CORIN: variants seen among roughly 807,000 people sequenced by gnomAD.
The protein encoded by CORIN is atrial natriuretic peptide-converting enzyme.
CORIN carries 117 observed loss-of-function variants against 125.3 expected under a neutral mutation model. That is an observed-to-expected ratio of 0.93 (90% CI 0.80 to 1.09). The LOEUF is 1.09. CORIN is among the 50% of genes least tolerant of loss of function. The probability of loss-of-function intolerance (pLI) is 0.00; values close to 1 mark genes in which losing one functional copy is unlikely to be tolerated. For synonymous variants in CORIN, 450 were observed against 466.4 expected (o/e 0.96, Z 0.45); for missense variants, 1,253 against 1,306.7 (o/e 0.96, Z 0.63).
intron 12 of CORIN, among the ~76,000 whole-genome samples, chr4:47,654,733 C>A (rs899654004): frequency 2.0e-5 from 3 of 152,150 alleles, no homozygotes. Flanking sequence ...ACTTGAAAGG[C>A]AGTCTAGCTC....
chr4:47,665,638 A>G (rs1724447132), intron 10 of CORIN, among the ~76,000 whole-genome samples: 1 of 152,206 alleles, frequency 6.6e-6, no homozygotes, highest in South Asian at 2.1e-4. Flanking sequence ...TAGCCCCATC[A>G]TCTTCACTGT....
At chr4:47,677,519 T>C (rs1184951235) in intron 9 of CORIN, among the ~76,000 whole-genome samples, 1 of 152,230 alleles carries the variant, frequency 6.6e-6, no homozygotes, top group Admixed American at 6.5e-5. Flanking sequence ...CCTTTTAAAG[T>C]GTATTGCTCG....
intron 5 of CORIN, among the ~76,000 whole-genome samples, chr4:47,701,542 T>A (rs1726292748): frequency 6.6e-6 from 1 of 152,150 alleles, no homozygotes; most frequent in South Asian, 2.1e-4. Flanking sequence ...AACAACAGAA[T>A]AGATCTGTAA....
intron 2 of CORIN, among the ~76,000 whole-genome samples, chr4:47,805,615 T>C (rs1731761164): frequency 6.6e-6 from 1 of 152,208 alleles, no homozygotes; most frequent in Admixed American, 6.5e-5. Context: ...ATCAGAGTTC[T>C]CCTTTCTTGG....
At position 47,763,457 on chromosome 4, in the gene CORIN, C is replaced by A. The variant is rs146275416; in HGVS notation, c.539G>T (p.Arg180Leu). Residue 180 changes from arginine (R) to leucine (L), a missense_variant, in exon 4 of 22, where the codon CGC (arginine) becomes CTC (leucine). Coordinates refer to ENST00000273857, the MANE Select transcript of CORIN (RefSeq NM_006587.4). Reference sequence around the variant, plus strand: ...CATGATATGTTGATAGCAACTGAGGCGATGGAGATATGTGAAAAACTTGAG... The same window carrying A: ...CATGATATGTTGATAGCAACTGAGGAGATGGAGATATGTGAAAAACTTGAG... ...KFLKFFTYLHRLSCYQHIMLF... is the reference protein window; with the variant it reads ...KFLKFFTYLHLLSCYQHIMLF... 1.2e-6 allele frequency: 2 copies of A among 1,613,906 alleles called. No individual in the cohort carries two copies. The highest frequency in any genetic ancestry group is 1.7e-6 in the Non-Finnish European group (2 of 1,179,996).
At position 47,772,117 on chromosome 4, in the gene CORIN, G is replaced by GA. The variant is rs1560542015; in HGVS notation, c.410-8532_410-8531insT. The stretch of plus-strand genomic sequence containing the variant: ...GATAGATAGATAGATAGATAGATAG[G>GA]TAGATAGATAATTGTCTCTATCTTA... On this transcript the variant is annotated intron_variant, in intron 3 of 21. Transcript: ENST00000273857. Among the ~76,000 whole-genome samples, 113 of 93,330 alleles carry GA rather than the reference G, an allele frequency of 1.2e-3. 1 individual carries two copies. Among genetic ancestry groups the GA allele is most frequent in the African/African-American group, 2.3e-3 (58 of 25,118 alleles). 61.2% of individuals were successfully genotyped at this position (93,330 alleles called of 152,430 possible).
At chr4:47,800,997 G>A (rs535198533) in intron 2 of CORIN, among the ~76,000 whole-genome samples, 1 of 152,210 alleles carries the variant, frequency 6.6e-6, no homozygotes, top group East Asian at 1.9e-4. Context: ...ACTGCCGCAT[G>A]CATGGCAGAC....
At chr4:47,791,426 G>T (rs1246788068) in intron 2 of CORIN, among the ~76,000 whole-genome samples, 1 of 152,164 alleles carries the variant, frequency 6.6e-6, no homozygotes, top group Non-Finnish European at 1.5e-5. Flanking sequence ...TAATAAATTT[G>T]TACTATCTTT....
chr4:47,806,299 A>G (rs1731792492), intron 2 of CORIN, among the ~76,000 whole-genome samples: 1 of 152,174 alleles, frequency 6.6e-6, no homozygotes, highest in Admixed American at 6.5e-5. Flanking sequence ...AAAATGTAAG[A>G]TGCTGTTTAA....
At chr4:47,760,333 A>G (rs1399007444) in intron 4 of CORIN, among the ~76,000 whole-genome samples, 3 of 152,212 alleles carry the variant, frequency 2.0e-5, no homozygotes, top group Non-Finnish European at 4.4e-5. Context: ...GGTGTCAAAA[A>G]TGGGCTTCAA....
chr4:47,683,522 T>G, intron 7 of CORIN: 2 of 437,146 alleles, frequency 4.6e-6, no homozygotes, highest in Non-Finnish European at 8.1e-6. Flanking sequence ...CTTAAACATT[T>G]TCTTAATATG....
intron 10 of CORIN, among the ~76,000 whole-genome samples, chr4:47,669,902 C>A (rs953925344): frequency 6.6e-6 from 1 of 152,124 alleles, no homozygotes; most frequent in African/African-American, 2.4e-5. Context: ...TGTGTACCAC[C>A]CCTGGATATT....
intron 6 of CORIN, among the ~76,000 whole-genome samples, chr4:47,686,781 G>T (rs1189744225): frequency 6.6e-6 from 1 of 152,136 alleles, no homozygotes; most frequent in Non-Finnish European, 1.5e-5. Context: ...GAGGATGGGG[G>T]ACAGTGTTTC....
At chr4:47,741,355 A>G (rs919836594) in intron 5 of CORIN, among the ~76,000 whole-genome samples, 2 of 152,092 alleles carry the variant, frequency 1.3e-5, no homozygotes, top group African/African-American at 4.8e-5. Flanking sequence ...ATAATTAGTC[A>G]TTAGCAAACT....
At chr4:47,800,240 GTATAT>G (rs924985429) in intron 2 of CORIN, among the ~76,000 whole-genome samples, 3 of 151,636 alleles carry the variant, frequency 2.0e-5, no homozygotes, top group African/African-American at 4.8e-5. Context: ...GGATTGAATG[GTATAT>G]TATATTAATA....
In CORIN at chr4:47,661,736, G is replaced by T. The variant is rs761929591; in HGVS notation, c.1710C>A (p.Cys570Ter). 1 of 1,612,544 alleles carries T rather than the reference G, an allele frequency of 6.2e-7. No individual in the cohort carries two copies. Among genetic ancestry groups the T allele is most frequent in the East Asian group, 2.2e-5 (1 of 44,832 alleles). ...FPEENSDNQTCLMPDEYVEEC... is the reference protein window; with the variant it reads ...FPEENSDNQT ...CTTCCACATATTCATCAGGCATCAG[G>T]CAGGTTTGATTGTCTGAATTTTCCT... The change falls in exon 12 of 22, where the codon TGC (cysteine) becomes TGA (stop). Residue 570 changes from cysteine (C) to a stop codon, truncating the protein, a stop_gained. Transcript: ENST00000273857. LOFTEE classifies it high-confidence loss of function.
chr4:47,772,443 A>AT (rs1489403397), intron 3 of CORIN, among the ~76,000 whole-genome samples: 90 of 152,330 alleles, frequency 5.9e-4, no homozygotes, highest in African/African-American at 2.1e-3. Context: ...TCTGTCAGGC[A>AT]TTTTTTATAA....
intron 9 of CORIN, among the ~76,000 whole-genome samples, chr4:47,675,122 T>G (rs539270348): frequency 5.4e-4 from 83 of 152,308 alleles, no homozygotes; most frequent in African/African-American, 2.0e-3. Flanking sequence ...GTATCAGTGT[T>G]TGCCCTAATG....
At chr4:47,677,521 T>C (rs16860550) in intron 9 of CORIN, among the ~76,000 whole-genome samples, 3,300 of 152,354 alleles carry the variant, frequency 0.022, 117 homozygotes, top group African/African-American at 0.074. Context: ...TTTTAAAGTG[T>C]ATTGCTCGGT....
Sources: allele counts gnomAD v4.1 joint callset (sites outside exome capture counted in the v4.1 genomes callset), GRCh38; gene constraint gnomAD v4.1.1; transcripts MANE v1.5; gene names NCBI Gene and HGNC (gene_info 2026-07-23, HGNC 2026-07-21).